The following COL4A2 variants were observed in gnomAD, a reference collection of about 807,000 sequenced individuals.
COL4A2 encodes the protein collagen alpha-2(IV) chain.
In COL4A2, 99 loss-of-function variants were observed where a neutral mutation model predicts 200.2. The ratio of observed to expected loss-of-function variants is 0.49; its 90% CI spans 0.42 to 0.58. The LOEUF (loss-of-function observed/expected upper bound fraction) is 0.58, where lower values mean the gene tolerates loss of function less well. COL4A2 is among the 20% of genes least tolerant of loss of function. The pLI is 0.00. For missense variants in COL4A2, 1,950 were observed against 2,314.1 expected (o/e 0.84, Z 3.23); for synonymous variants, 897 against 900.6 (o/e 1.00, Z 0.07).
At chr13:110,478,550 G>A (rs906348133) in intron 30 of COL4A2, among the ~76,000 whole-genome samples, 3 of 152,240 alleles carry the variant, frequency 2.0e-5, no homozygotes, top group African/African-American at 7.2e-5. Flanking sequence ...GGCTGGAGCA[G>A]AGGAGCGGGG....
intron 26 of COL4A2, 123 bp from the exon 27 acceptor site, chr13:110,466,917 A>T: frequency 8.5e-7 from 1 of 1,179,628 alleles, no homozygotes; most frequent in South Asian, 1.4e-5. Flanking sequence ...TCATTAAGTT[A>T]CTCTGATCCC....
In COL4A2 at chr13:110,493,194, G is replaced by A; in HGVS notation, c.3563-17G>A. On this transcript the variant is annotated splice_polypyrimidine_tract_variant and intron_variant, in intron 38 of 47. Coordinates refer to ENST00000360467, the MANE Select transcript of COL4A2 (RefSeq NM_001846.4). ...CCCCGCAGGTGAAATAAATAACGATGAGTGACACCCCCGCAGGTTTTCCGG... is the reference window on the plus strand; with the variant it reads ...CCCCGCAGGTGAAATAAATAACGATAAGTGACACCCCCGCAGGTTTTCCGG... The A allele has an allele frequency of 1.2e-6, 2 of 1,614,146 alleles. No homozygotes were observed. Among genetic ancestry groups the A allele is most frequent in the Non-Finnish European group, 1.7e-6 (2 of 1,180,028 alleles).
intron 28 of COL4A2, among the ~76,000 whole-genome samples, chr13:110,470,699 G>A (rs576368838): frequency 3.9e-5 from 6 of 152,232 alleles, no homozygotes; most frequent in South Asian, 2.1e-4. Context: ...GGACTGTTGC[G>A]CCCTTAGGTT....
At position 110,501,587 on chromosome 13, in the gene COL4A2, G is replaced by A. The variant is rs378601; in HGVS notation, c.3761-81G>A. On this transcript the variant is annotated intron_variant, in intron 40 of 47. Coordinates refer to ENST00000360467, the MANE Select transcript of COL4A2 (RefSeq NM_001846.4). ...CTCGCTAGGCTCTGGTCCACCACAG[G>A]TGATGGTGTGGAGGGAAAATAGTAG... is the stretch of plus-strand genomic sequence containing the variant. The A allele has an allele frequency of 0.99, 1,205,664 of 1,217,880 alleles. 597,546 individuals are homozygous for A. Among genetic ancestry groups the A allele is most frequent in the East Asian group, 1 (42,568 of 42,568 alleles). The allele number at this position is 1,217,880 out of a possible 1,614,324, so 75.4% of individuals were successfully genotyped here.
intron 29 of COL4A2, among the ~76,000 whole-genome samples, chr13:110,477,191 A>G (rs1343734812): frequency 6.6e-6 from 1 of 152,158 alleles, no homozygotes; most frequent in African/African-American, 2.4e-5. Flanking sequence ...TCCATTTAAA[A>G]AAGAAAGAAA....
intron 40 of COL4A2, among the ~76,000 whole-genome samples, chr13:110,499,037 G>A (rs1294987660): frequency 3.3e-5 from 5 of 152,260 alleles, no homozygotes; most frequent in African/African-American, 1.2e-4. Flanking sequence ...CTTGGCATAT[G>A]AGGCCACTGC....
intron 6 of COL4A2, 131 bp downstream of exon 6, chr13:110,425,128 G>A (rs888278268): frequency 9.8e-6 from 10 of 1,021,156 alleles, no homozygotes; most frequent in African/African-American, 6.4e-5. Flanking sequence ...GGGACTATAC[G>A]TGCGTATTCT....
intron 45 of COL4A2, 64 bp from the exon 46 acceptor site, chr13:110,506,351 T>G (rs1374131042): frequency 6.6e-7 from 1 of 1,511,912 alleles, no homozygotes; most frequent in East Asian, 2.4e-5. Flanking sequence ...GGCCGTCCAC[T>G]CTCTCTCTTT....
chr13:110,316,348 C>G (rs1055971703), intron 3 of COL4A2, among the ~76,000 whole-genome samples: 1 of 152,314 alleles, frequency 6.6e-6, no homozygotes, highest in East Asian at 1.9e-4. Context: ...GCATCAAAAG[C>G]CATGGTTTGT....
intron 3 of COL4A2, among the ~76,000 whole-genome samples, chr13:110,319,257 C>T (rs1172719441): frequency 1.3e-5 from 2 of 151,984 alleles, no homozygotes; most frequent in African/African-American, 4.8e-5. Context: ...TTTCCATTTT[C>T]CTTAAGTTTA....
intron 21 of COL4A2, 74 bp from the exon 22 acceptor site, chr13:110,458,697 C>T: frequency 6.3e-7 from 1 of 1,589,982 alleles, no homozygotes; most frequent in Non-Finnish European, 8.6e-7. Flanking sequence ...GCTCTCCCCG[C>T]TGCCTGATAC....
chr13:110,332,931 T>A (rs1875994988), intron 3 of COL4A2, among the ~76,000 whole-genome samples: 3 of 152,198 alleles, frequency 2.0e-5, no homozygotes, highest in Non-Finnish European at 4.4e-5. Context: ...ATTCCCATGG[T>A]AGCTATGTAA....
At chr13:110,311,902 C>T (rs1884995000) in intron 3 of COL4A2, among the ~76,000 whole-genome samples, 1 of 152,234 alleles carries the variant, frequency 6.6e-6, no homozygotes, top group Non-Finnish European at 1.5e-5. Context: ...GGGGCTCCAG[C>T]CCCAGGAAAT....
chr13:110,410,732 A>C (rs528137913), intron 4 of COL4A2, among the ~76,000 whole-genome samples: 54 of 152,330 alleles, frequency 3.5e-4, no homozygotes, highest in Non-Finnish European at 5.9e-4. Flanking sequence ...TCTGGTGGAA[A>C]GATCATCAGA....
chr13:110,313,225 G>A (rs978538739), intron 3 of COL4A2, among the ~76,000 whole-genome samples: 1 of 152,138 alleles, frequency 6.6e-6, no homozygotes, highest in African/African-American at 2.4e-5. Context: ...TCCCTCTGGT[G>A]CCCACTCCCT....
intron 19 of COL4A2, among the ~76,000 whole-genome samples, chr13:110,450,072 G>A (rs986844055): frequency 3.3e-5 from 5 of 152,196 alleles, no homozygotes; most frequent in Admixed American, 6.5e-5. Context: ...ATCATCAGGT[G>A]TTGTTGCCCA....
At chr13:110,353,922 C>T (rs369894382) in intron 3 of COL4A2, among the ~76,000 whole-genome samples, 1 of 152,150 alleles carries the variant, frequency 6.6e-6, no homozygotes, top group African/African-American at 2.4e-5. Flanking sequence ...AAAAGTGTTA[C>T]TGGGAGGTAT....
At position 110,412,993 on chromosome 13, in the gene COL4A2, C is replaced by T. The variant is rs989899800; in HGVS notation, c.181-11741C>T. 4.6e-5 allele frequency among the ~76,000 whole-genome samples: 7 copies of T among 152,070 alleles called. No individual in the cohort carries two copies. The East Asian group carries it at 9.6e-4, about 21-fold the overall frequency. The stretch of plus-strand genomic sequence containing the variant: ...ACGAACAATCAGAAATTCCACTGGG[C>T]GGGCACAGGGCTTGGAGAAGAGTTG... On this transcript the variant is annotated intron_variant, in intron 4 of 47. Transcript: ENST00000360467.
chr13:110,505,085 T>C (rs1594115208), intron 45 of COL4A2, among the ~76,000 whole-genome samples: 3 of 151,162 alleles, frequency 2.0e-5, no homozygotes, highest in East Asian at 2.0e-4. Context: ...GCGCGGTGGC[T>C]CACGCCTGTA....
Sources: allele counts gnomAD v4.1 joint callset (sites outside exome capture counted in the v4.1 genomes callset), GRCh38; gene constraint gnomAD v4.1.1; transcripts MANE v1.5; gene names NCBI Gene and HGNC (gene_info 2026-07-23, HGNC 2026-07-21).